The following IL1RAPL2 variants were observed in gnomAD, a reference collection of about 807,000 sequenced individuals.
The protein encoded by IL1RAPL2 is interleukin 1 receptor accessory protein like 2, also known as X-linked interleukin-1 receptor accessory protein-like 2.
A neutral mutation model predicts 44.1 loss-of-function variants in IL1RAPL2; 3 were observed. The observed-to-expected ratio is 0.07, with a 90% confidence interval of 0.03 to 0.18. The LOEUF (loss-of-function observed/expected upper bound fraction) is 0.18, where lower values mean the gene tolerates loss of function less well. Among genes scored for constraint, IL1RAPL2 ranks in the 10% least tolerant of loss-of-function variants. IL1RAPL2 has a pLI of 1.00. For missense variants in IL1RAPL2, 391 were observed against 496.4 expected (o/e 0.79, Z 2.02); for synonymous variants, 181 against 178.8 (o/e 1.01, Z -0.10).
chrX:104,686,471 C>T (rs1167175737), intron 2 of IL1RAPL2, among the ~76,000 whole-genome samples: 1 of 111,546 alleles, frequency 9.0e-6, no homozygotes. Context: ...ATCTATTGAT[C>T]TAAGAGGGAC....
intron 2 of IL1RAPL2, among the ~76,000 whole-genome samples, chrX:105,138,029 T>G (rs1168252620): frequency 8.9e-6 from 1 of 112,047 alleles, no homozygotes; most frequent in Non-Finnish European, 1.9e-5. Context: ...GCCATGATTG[T>G]GCCACTGCAC....
At chrX:104,693,445 A>G (rs997214911) in intron 2 of IL1RAPL2, among the ~76,000 whole-genome samples, 3 of 111,767 alleles carry the variant, frequency 2.7e-5, no homozygotes, top group Non-Finnish European at 5.6e-5. Context: ...AAATGCACAT[A>G]GGACATTACA....
Position 105,267,508 on chromosome X carries a change from C to T in IL1RAPL2, c.664C>T (p.Leu222Phe). Residue 222 changes from leucine (L) to phenylalanine (F), a missense_variant, in exon 5 of 11, where the codon CTT becomes TTT. Physicochemically the swap from Leu to Phe is conservative, Grantham distance 22. Coordinates refer to ENST00000372582, the MANE Select transcript of IL1RAPL2 (RefSeq NM_017416.2). ...ATGTGAACTTAAATATGAAGGAAAA[C>T]TTGTAAGACGAACAACTGAATTGAA... ...YTCELKYEGK[L>F]VRRTTELKVT... 3 of 1,190,502 alleles carry T rather than the reference C, an allele frequency of 2.5e-6. No homozygotes were observed. Among genetic ancestry groups the T allele is most frequent in the Non-Finnish European group, 2.3e-6 (2 of 884,219 alleles).
At chrX:104,677,683 C>T (rs1184282603) in intron 2 of IL1RAPL2, among the ~76,000 whole-genome samples, 1 of 112,395 alleles carries the variant, frequency 8.9e-6, no homozygotes, top group Non-Finnish European at 1.9e-5. Flanking sequence ...ATGGCGGGCG[C>T]CCCTCCCCCA....
At chrX:105,047,580 G>A (rs1483091168) in intron 2 of IL1RAPL2, among the ~76,000 whole-genome samples, 1 of 111,059 alleles carries the variant, frequency 9.0e-6, no homozygotes, top group Non-Finnish European at 1.9e-5. Context: ...ATGCTCTAGG[G>A]AGATTTTAGA....
At chrX:105,595,556 C>T (rs755094462) in intron 6 of IL1RAPL2, among the ~76,000 whole-genome samples, 8 of 110,803 alleles carry the variant, frequency 7.2e-5, no homozygotes, top group African/African-American at 2.0e-4. Flanking sequence ...AGGATTTTTA[C>T]GTCTATTTTC....
chrX:104,674,136 T>C (rs1041739756), intron 2 of IL1RAPL2, among the ~76,000 whole-genome samples: 6 of 111,981 alleles, frequency 5.4e-5, no homozygotes, highest in African/African-American at 2.0e-4. Context: ...CAACACTATG[T>C]TGAAGAGGAG....
intron 10 of IL1RAPL2, among the ~76,000 whole-genome samples, chrX:105,763,592 AAAAAG>A (rs2038705076): frequency 9.0e-6 from 1 of 110,910 alleles, no homozygotes; most frequent in Non-Finnish European, 1.9e-5. Flanking sequence ...GAAAACAAGT[AAAAAG>A]AAAAGAGAAT....
chrX:104,800,223 T>C (rs1353972049), intron 2 of IL1RAPL2, among the ~76,000 whole-genome samples: 2 of 111,784 alleles, frequency 1.8e-5, no homozygotes, highest in Admixed American at 9.5e-5. Flanking sequence ...CTTTGCCTAA[T>C]AACTAGCTGT....
At chrX:105,078,617 C>A (rs2147545613) in intron 2 of IL1RAPL2, among the ~76,000 whole-genome samples, 1 of 112,737 alleles carries the variant, frequency 8.9e-6, no homozygotes, top group South Asian at 3.6e-4. Flanking sequence ...TTTGTCTGTG[C>A]CCTGCCCCCA....
intron 2 of IL1RAPL2, among the ~76,000 whole-genome samples, chrX:105,063,043 C>A (rs376458820): frequency 5.4e-5 from 6 of 110,940 alleles, no homozygotes; most frequent in African/African-American, 2.0e-4. Context: ...TGTTCTCTAC[C>A]CCCTTTTCAA....
intron 5 of IL1RAPL2, chrX:105,407,153 TAAA>T (rs143467872): frequency 3.7e-4 from 131 of 353,285 alleles, no homozygotes; most frequent in African/African-American, 3.0e-3. Context: ...GTAAGGAAAT[TAAA>T]AAAAAAAAAA....
chrX:104,700,283 A>G (rs1249136282), intron 2 of IL1RAPL2, among the ~76,000 whole-genome samples: 1 of 111,946 alleles, frequency 8.9e-6, no homozygotes, highest in Non-Finnish European at 1.9e-5. Context: ...AAGCTAGAAT[A>G]CTATTCAGAA....
rs182157346 is a variant in IL1RAPL2, at chrX:104,821,058, G to A, written c.82+162063G>A. Among the ~76,000 whole-genome samples, 4 of 111,736 alleles carry A rather than the reference G, an allele frequency of 3.6e-5. No individual in the cohort carries two copies. The East Asian group carries it at 1.1e-3, about 32-fold the overall frequency. On this transcript the variant is annotated intron_variant, in intron 2 of 10. Coordinates refer to ENST00000372582, the MANE Select transcript of IL1RAPL2 (RefSeq NM_017416.2). ...CAAACTTATTTTAACAAGGTCCCAA[G>A]TTTCCCAATTAACTTGTCTCCAATT... is the stretch of plus-strand genomic sequence containing the variant.
rs770838455 is a variant in IL1RAPL2, at chrX:104,770,720, C to T, written c.82+111725C>T. 8.0e-5 allele frequency among the ~76,000 whole-genome samples: 9 copies of T among 112,033 alleles called. 1 individual carries two copies. The highest frequency in any genetic ancestry group is 2.8e-4 in the Admixed American group (3 of 10,558). The stretch of plus-strand genomic sequence containing the variant: ...CTGCATTCTGTTATAGAGAGGAATT[C>T]GTTGAAGAGACTCACTTATTTTTTA... On this transcript the variant is annotated intron_variant, in intron 2 of 10. Coordinates refer to ENST00000372582, the MANE Select transcript of IL1RAPL2 (RefSeq NM_017416.2).
chrX:104,863,004 C>T (rs1427556612), intron 2 of IL1RAPL2, among the ~76,000 whole-genome samples: 2 of 111,473 alleles, frequency 1.8e-5, no homozygotes, highest in Non-Finnish European at 3.8e-5. Flanking sequence ...TATCATAGTG[C>T]CCCTCTTCTC....
intron 2 of IL1RAPL2, among the ~76,000 whole-genome samples, chrX:105,063,271 T>A (rs903626797): frequency 8.9e-6 from 1 of 112,535 alleles, no homozygotes; most frequent in African/African-American, 3.2e-5. Flanking sequence ...TATTTTAATC[T>A]CTTTGTTAAG....
chrX:105,170,231 G>A (rs770839391), intron 2 of IL1RAPL2, among the ~76,000 whole-genome samples: 10 of 110,942 alleles, frequency 9.0e-5, no homozygotes, highest in Non-Finnish European at 1.7e-4. Context: ...AAATACAAAT[G>A]AGCATATAAA....
At chrX:104,983,560 TATATA>T (rs2030496069) in intron 2 of IL1RAPL2, among the ~76,000 whole-genome samples, 1 of 85,073 alleles carries the variant, frequency 1.2e-5, no homozygotes, top group African/African-American at 4.3e-5. Flanking sequence ...ATAGACATAT[TATATA>T]TTATATTATA....
Sources: gnomAD v4.1 joint callset for allele counts (sites outside exome capture counted in the v4.1 genomes callset) on GRCh38, gnomAD v4.1.1 for gene constraint, MANE v1.5 for transcripts, NCBI Gene and HGNC (gene_info 2026-07-23, HGNC 2026-07-21) for gene names.